MED16: variants seen among roughly 807,000 people sequenced by gnomAD.
MED16 encodes mediator complex subunit 16, also known as mediator of RNA polymerase II transcription subunit 16.
In MED16, 81 loss-of-function variants were observed where a neutral mutation model predicts 84.4. The observed-to-expected ratio is 0.96, with a 90% CI of 0.80 to 1.15. The LOEUF (loss-of-function observed/expected upper bound fraction) is 1.15. Ranked by LOEUF, MED16 falls within the 50% of genes most tolerant of loss-of-function variation. MED16 has a pLI of 0.00. For missense variants in MED16, 1,585 were observed against 1,245.9 expected (o/e 1.27, Z -4.10); for synonymous variants, 897 against 552.2 (o/e 1.62, Z -8.76).
chr19:876,297 G>C (rs2036227692), intron 9 of MED16, among the ~76,000 whole-genome samples: 1 of 152,110 alleles, frequency 6.6e-6, no homozygotes, highest in Admixed American at 6.5e-5. Context: ...CCACACCACT[G>C]CAAGGGACCC....
Position 887,844 on chromosome 19 carries a change from G to C in MED16, c.448-1643C>G, listed in dbSNP as rs1329534199. On this transcript the variant is annotated intron_variant, in intron 4 of 15. Transcript: ENST00000325464. ...ATCCAGAGAGACAACTGGGTCTCGG[G>C]GGCTGGGGTGGGGGATGGATCAGGG... 2.0e-5 allele frequency among the ~76,000 whole-genome samples: 3 copies of C among 151,930 alleles called. No individual in the cohort carries two copies. The East Asian group carries it at 5.8e-4, about 29-fold the overall frequency.
At chr19:879,021 C>G (rs1893920828) in intron 8 of MED16, among the ~76,000 whole-genome samples, 1 of 149,556 alleles carries the variant, frequency 6.7e-6, no homozygotes, top group African/African-American at 2.5e-5. Flanking sequence ...CCCAGCCCCA[C>G]ATGTCCCAGC....
At chr19:881,083 G>A (rs2036411524) in intron 7 of MED16, among the ~76,000 whole-genome samples, 1 of 152,120 alleles carries the variant, frequency 6.6e-6, no homozygotes, top group Non-Finnish European at 1.5e-5. Context: ...GGGAACCAGG[G>A]AAGAACGGGA....
chr19:877,032 T>C lies in MED16; in HGVS notation c.1502A>G (p.Gln501Arg). 1 of 1,612,550 alleles carries C rather than the reference T, an allele frequency of 6.2e-7. No homozygotes were observed. Among genetic ancestry groups the C allele is most frequent in the Non-Finnish European group, 8.5e-7 (1 of 1,179,876 alleles). Residue 501 changes from glutamine (Q) to arginine (R), a missense_variant, in exon 9 of 16, where the codon CAG becomes CGG. Transcript: ENST00000325464. ...ILLHVQPSMV[Q>R]SLVEKLHEEY... ...CTCGTGCAGCTTCTCCACCAGGCTC[T>C]GTACCATACTGGGCTGCACGTGCAG...
At position 881,606 on chromosome 19, in the gene MED16, T is replaced by C; in HGVS notation, c.1094A>G (p.Asn365Ser). 1.9e-6 allele frequency: 3 copies of C among 1,612,616 alleles called. No individual in the cohort carries two copies. Among genetic ancestry groups the C allele is most frequent in the Non-Finnish European group, 2.5e-6 (3 of 1,179,910 alleles). Residue 365 changes from asparagine to serine, a missense_variant, in exon 7 of 16, where the codon AAC becomes AGC. Asn to Ser is a conservative substitution (Grantham distance 46, BLOSUM62 1). Transcript: ENST00000325464. ...GTCGCTGGCCACCTTGAGGTCGGTGTTGGTGAGCGAGATGGGCAGCTTGGG... is the reference window on the plus strand; with the variant it reads ...GTCGCTGGCCACCTTGAGGTCGGTGCTGGTGAGCGAGATGGGCAGCTTGGG... ...ALPKLPISLT[N>S]TDLKVASDTQ...
intron 6 of MED16, among the ~76,000 whole-genome samples, chr19:883,213 G>A (rs1026873782): frequency 1.1e-4 from 16 of 152,104 alleles, no homozygotes; most frequent in African/African-American, 3.6e-4. Context: ...TGAAGAGCTG[G>A]GCATGGTAGG....
At position 875,385 on chromosome 19, in the gene MED16, C is replaced by G. The variant is rs765037683; in HGVS notation, c.1630G>C (p.Val544Leu). ...AAGAGCTTGGTGTGGTAGTCGCACA[C>G]GCGGGTCACCGTGCAGGGCGACAGC... ...CKLSPCTVTR[V>L]CDYHTKLFLI... The change falls in exon 10 of 16, where the codon GTG becomes CTG. Residue 544 changes from valine to leucine, a missense_variant. Coordinates refer to ENST00000325464, the MANE Select transcript of MED16 (RefSeq NM_005481.3). 4 of 1,608,970 alleles carry G rather than the reference C, an allele frequency of 2.5e-6. No homozygotes were observed. The South Asian group carries it at 4.4e-5, about 18-fold the overall frequency.
intron 10 of MED16, among the ~76,000 whole-genome samples, chr19:874,475 G>A (rs952744075): frequency 6.6e-6 from 1 of 152,174 alleles, no homozygotes; most frequent in Non-Finnish European, 1.5e-5. Context: ...CCAGCGCTTT[G>A]GGAGGCAGAG....
rs766668208 is a variant in MED16, at chr19:871,641, G to A, written c.2098+285C>T. 2.3e-5 allele frequency: 36 copies of A among 1,594,390 alleles called. No individual in the cohort carries two copies. In the East Asian group the frequency reaches 2.7e-4, roughly 12 times the overall value. On this transcript the variant is annotated intron_variant, in intron 12 of 15. Transcript: ENST00000325464. ...CTGCCATCCCAAAAGCACCCACACAGAGCATGGACCTGTGCTAGGAACTGG... is the reference window on the plus strand; with the variant it reads ...CTGCCATCCCAAAAGCACCCACACAAAGCATGGACCTGTGCTAGGAACTGG...
chr19:885,033 C>G, intron 5 of MED16, 25 bp from the exon 6 acceptor site: 2 of 1,556,372 alleles, frequency 1.3e-6, no homozygotes, highest in Non-Finnish European at 1.7e-6. Context: ...GGGGTGAGGG[C>G]TGACCCGGCA....
In MED16 at chr19:890,327, G is replaced by C. The variant is rs372527784; in HGVS notation, c.170-83C>G. ...ATGACTCCAGGCAGGCTCCAGGTAA[G>C]CCGGTGTGTGTCCCACCCCAGGAAG... On this transcript the variant is annotated intron_variant, in intron 2 of 15. Transcript: ENST00000325464. The C allele has an allele frequency of 5.2e-6, 5 of 954,904 alleles. No individual in the cohort carries two copies. In the South Asian group the frequency reaches 8.8e-5, roughly 17 times the overall value. 59.2% of individuals were successfully genotyped at this position (954,904 alleles called of 1,614,324 possible).
chr19:886,755 C>T (rs1040679325), intron 4 of MED16, among the ~76,000 whole-genome samples: 13 of 152,224 alleles, frequency 8.5e-5, no homozygotes, highest in African/African-American at 3.1e-4. Context: ...GAAACATCCA[C>T]CCTTCTTTCA....
chr19:889,531 T>C, intron 4 of MED16, 107 bp downstream of exon 4: 2 of 1,386,922 alleles, frequency 1.4e-6, no homozygotes, highest in Non-Finnish European at 1.9e-6. Context: ...AAGTGCAAGG[T>C]CCAAAAAACC....
At chr19:874,223 C>G (rs910014366) in intron 10 of MED16, among the ~76,000 whole-genome samples, 9 of 152,130 alleles carry the variant, frequency 5.9e-5, no homozygotes, top group Non-Finnish European at 1.3e-4. Context: ...ACGCCATTCT[C>G]CTGCCTCAGC....
At position 871,016 on chromosome 19, in the gene MED16, C is replaced by T. The variant is rs957075891; in HGVS notation, c.2315+21G>A. The stretch of plus-strand genomic sequence containing the variant: ...GAGGAAGGAGTCCTGTGTTTGGGGA[C>T]CAATGCAGGGACACACGCACCTGGC... On this transcript the variant is annotated intron_variant, in intron 13 of 15. Coordinates refer to ENST00000325464, the MANE Select transcript of MED16 (RefSeq NM_005481.3). 9 of 1,525,992 alleles carry T rather than the reference C, an allele frequency of 5.9e-6. No individual in the cohort carries two copies. In the East Asian group the frequency reaches 1.7e-4, roughly 29 times the overall value. The allele number at this position is 1,525,992 out of a possible 1,614,324, so 94.5% of individuals were successfully genotyped here.
intron 6 of MED16, among the ~76,000 whole-genome samples, chr19:884,326 G>A (rs1276622026): frequency 6.6e-6 from 1 of 152,184 alleles, no homozygotes. Context: ...TGTGCCGGAG[G>A]TGGGGATGAC....
chr19:869,474 A>G (rs1036926121), intron 13 of MED16, among the ~76,000 whole-genome samples: 1 of 152,130 alleles, frequency 6.6e-6, no homozygotes, highest in African/African-American at 2.4e-5. Context: ...CTCATTAAAT[A>G]TCTGAAATTT....
Position 868,855 on chromosome 19 carries a change from C to G in MED16, c.2399+8G>C. The G allele has an allele frequency of 2.6e-6, 4 of 1,546,356 alleles. No homozygotes were observed. Among genetic ancestry groups the G allele is most frequent in the East Asian group, 2.4e-5 (1 of 41,422 alleles). On this transcript the variant is annotated splice_region_variant and intron_variant, in intron 14 of 15. Coordinates refer to ENST00000325464, the MANE Select transcript of MED16 (RefSeq NM_005481.3). ...CTCTGGGAGTCAGCGGTTCCGGGGGCCCCTCACCTGGTGCAGGCCTTGCAT... is the reference window on the plus strand; with the variant it reads ...CTCTGGGAGTCAGCGGTTCCGGGGGGCCCTCACCTGGTGCAGGCCTTGCAT...
chr19:874,811 G>A (rs1427980732), intron 10 of MED16, among the ~76,000 whole-genome samples: 2 of 150,874 alleles, frequency 1.3e-5, no homozygotes, highest in East Asian at 3.9e-4. Context: ...CAGAGGCTGC[G>A]CTGAGCTGGG....
Sources: gnomAD v4.1 joint callset for allele counts (sites outside exome capture counted in the v4.1 genomes callset) on GRCh38, gnomAD v4.1.1 for gene constraint, MANE v1.5 for transcripts, NCBI Gene and HGNC (gene_info 2026-07-23, HGNC 2026-07-21) for gene names.